Variants in BRCA2 observed in about 807,000 individuals in gnomAD.
BRCA2 encodes the protein BRCA2 DNA repair associated, also known as breast cancer type 2 susceptibility protein.
In BRCA2, 203 loss-of-function variants were observed where a neutral mutation model predicts 276.7. That is an observed-to-expected ratio of 0.73 (90% CI 0.65 to 0.82). The LOEUF (loss-of-function observed/expected upper bound fraction) is 0.82, where lower values mean the gene tolerates loss of function less well. Ranked by LOEUF, BRCA2 falls within the 40% of genes least tolerant of loss-of-function variation. The probability of loss-of-function intolerance (pLI) is 0.00; values close to 1 mark genes in which losing one functional copy is unlikely to be tolerated. For synonymous variants in BRCA2, 1,289 were observed against 1,338.4 expected (o/e 0.96, Z 0.81); for missense variants, 3,920 against 3,915.0 (o/e 1.00, Z -0.03).
Position 32,357,739 on chromosome 13 carries a change from T to C in BRCA2, c.7618-3T>C, listed in dbSNP as rs1555286385. The C allele has an allele frequency of 6.2e-7, 1 of 1,609,982 alleles. No homozygotes were observed. Among genetic ancestry groups the C allele is most frequent in the Non-Finnish European group, 8.5e-7 (1 of 1,176,954 alleles). On this transcript the variant is annotated splice_polypyrimidine_tract_variant and splice_region_variant and intron_variant, in intron 15 of 26. Coordinates refer to ENST00000380152, the MANE Select transcript of BRCA2 (RefSeq NM_000059.4). ...CTTTTTTGTGTGTGTTTATTTTGTG[T>C]AGCTGTATACGTATGGCGTTTCTAA...
Position 32,355,276 on chromosome 13 carries a change from GA to G in BRCA2, c.7425del (p.Glu2476AsnfsTer3), listed in dbSNP as rs886040706. ...AVAVTFTKCE[E>X]EPLDLITSLQ... ...AGCTGTAACTTTCACAAAGTGTGAA[GA>G]AGAACCTTTAGGTATTGTATGACAA... is the stretch of plus-strand genomic sequence containing the variant. On this transcript the variant is annotated frameshift_variant, in exon 14 of 27. Coordinates refer to ENST00000380152, the MANE Select transcript of BRCA2 (RefSeq NM_000059.4). LOFTEE classifies it high-confidence loss of function. 2.5e-6 allele frequency: 4 copies of G among 1,613,708 alleles called. No homozygotes were observed. The highest frequency in any genetic ancestry group is 3.4e-6 in the Non-Finnish European group (4 of 1,179,812).
chr13:32,339,157 A>T lies in BRCA2; in HGVS notation c.4802A>T (p.Asp1601Val), dbSNP rs80358704. Reference sequence around the variant, plus strand: ...GAAATGCAGAATTCTCTCAATAATGATAAAAACCTTGTTTCTATTGAGACT... The same window carrying T: ...GAAATGCAGAATTCTCTCAATAATGTTAAAAACCTTGTTTCTATTGAGACT... The part of the protein sequence containing the change: ...CKEMQNSLNN[D>V]KNLVSIETVV... Residue 1601 changes from aspartate (D) to valine (V), a missense_variant, in exon 11 of 27, where the codon GAT becomes GTT. Physicochemically the swap from Asp to Val is radical, Grantham distance 152 (BLOSUM62 -3). Around this residue, in one of 2 missense-constraint regions of BRCA2, gnomAD observed 3,263 missense variants for 3,156.9 expected, o/e 1.03. Transcript: ENST00000380152. 6.2e-7 allele frequency: 1 copy of T among 1,613,890 alleles called. No homozygotes were observed. Among genetic ancestry groups the T allele is most frequent in the African/African-American group, 1.3e-5 (1 of 74,932 alleles).
At chr13:32,389,155 A>G (rs557442263) in intron 24 of BRCA2, among the ~76,000 whole-genome samples, 3 of 152,278 alleles carry the variant, frequency 2.0e-5, no homozygotes, top group African/African-American at 7.2e-5. Context: ...TACCACTCTA[A>G]GTGAAGTGTG....
At chr13:32,364,405 GTCT>G (rs758856177) in intron 18 of BRCA2, among the ~76,000 whole-genome samples, 50 of 152,204 alleles carry the variant, frequency 3.3e-4, no homozygotes, top group Non-Finnish European at 6.3e-4. Context: ...TTGTACTGCT[GTCT>G]TCTTTCTCTC....
intron 13 of BRCA2, among the ~76,000 whole-genome samples, chr13:32,350,383 T>C (rs556385653): frequency 2.6e-5 from 4 of 152,284 alleles, no homozygotes; most frequent in East Asian, 1.9e-4. Flanking sequence ...AGTAAGTACA[T>C]AGAAAATAAG....
Position 32,357,889 on chromosome 13 carries a change from C to A in BRCA2, c.7765C>A (p.Pro2589Thr), listed in dbSNP as rs753047043. ...IQLADGGWLI[P>T]SNDGKAGKEE... Reference sequence around the variant, plus strand: ...GTTGGCTGATGGTGGATGGCTCATACCCTCCAATGATGGAAAGGCTGGAAA... The same window carrying A: ...GTTGGCTGATGGTGGATGGCTCATAACCTCCAATGATGGAAAGGCTGGAAA... Residue 2589 changes from proline to threonine, a missense_variant, in exon 16 of 27, where the codon CCC becomes ACC. Coordinates refer to ENST00000380152, the MANE Select transcript of BRCA2 (RefSeq NM_000059.4). The A allele has an allele frequency of 1.2e-6, 2 of 1,613,994 alleles. No individual in the cohort carries two copies. Among genetic ancestry groups the A allele is most frequent in the South Asian group, 2.2e-5 (2 of 91,064 alleles).
At position 32,370,391 on chromosome 13, in the gene BRCA2, A is replaced by T. The variant is rs781485611; in HGVS notation, c.8332-11A>T. On this transcript the variant is annotated splice_polypyrimidine_tract_variant and intron_variant, in intron 18 of 26. Coordinates refer to ENST00000380152, the MANE Select transcript of BRCA2 (RefSeq NM_000059.4). The stretch of plus-strand genomic sequence containing the variant: ...TAACTACTAAATCAATATATTTATT[A>T]ATTTGTCCAGATTTCTGCTAACAGT... 1 of 1,604,688 alleles carries T rather than the reference A, an allele frequency of 6.2e-7. No homozygotes were observed. The highest frequency in any genetic ancestry group is 1.1e-5 in the South Asian group (1 of 90,866).
At chr13:32,365,642 T>C (rs1349575813) in intron 18 of BRCA2, among the ~76,000 whole-genome samples, 3 of 151,736 alleles carry the variant, frequency 2.0e-5, no homozygotes, top group Non-Finnish European at 4.4e-5. Flanking sequence ...CCTCCCAAAG[T>C]GTTGGGATTA....
intron 24 of BRCA2, chr13:32,385,787 T>A: frequency 5.6e-6 from 1 of 177,498 alleles, no homozygotes; most frequent in South Asian, 1.4e-4. Context: ...ATGAAACCAG[T>A]GGTAGAAGAA....
chr13:32,381,804 T>C (rs1457109330), intron 24 of BRCA2, among the ~76,000 whole-genome samples: 2 of 152,102 alleles, frequency 1.3e-5, no homozygotes, highest in Non-Finnish European at 2.9e-5. Flanking sequence ...ATTTGGAGGC[T>C]CTTTCAAGCA....
rs146917776 is a variant in BRCA2, at chr13:32,339,734, T to C, written c.5379T>C (p.Asn1793=). The change falls in exon 11 of 27, where the codon AAT becomes AAC. Residue 1793 remains asparagine (N), a synonymous_variant. Transcript: ENST00000380152. The stretch of plus-strand genomic sequence containing the variant: ...CTAGTTTTTCCAAAGTAATATCCAA[T>C]GTAAAAGATGCAAATGCATACCCAC... ...KNTSFSKVIS[N]VKDANAYPQT... 9 of 1,613,708 alleles carry C rather than the reference T, an allele frequency of 5.6e-6. No homozygotes were observed. Among genetic ancestry groups the C allele is most frequent in the Non-Finnish European group, 7.6e-6 (9 of 1,179,838 alleles).
At chr13:32,317,429 A>T (rs866199380) in intron 2 of BRCA2, among the ~76,000 whole-genome samples, 2 of 152,204 alleles carry the variant, frequency 1.3e-5, no homozygotes, top group South Asian at 4.1e-4. Flanking sequence ...AGTATGTGAA[A>T]AAAAATTAAC....
rs80359097 is a variant in BRCA2 at position 32,332,325 on chromosome 13, A to G, written c.847A>G (p.Ile283Val). ...TAAAGTAAATAGCTGCAAAGACCAC[A>G]TTGGAAAGTCAATGCCAAATGTCCT... ...SFKVNSCKDHIGKSMPNVLED... is the reference protein window; with the variant it reads ...SFKVNSCKDHVGKSMPNVLED... The change falls in exon 10 of 27, where the codon ATT becomes GTT. Residue 283 changes from isoleucine to valine, a missense_variant. Ile to Val is a conservative substitution (Grantham distance 29). Transcript: ENST00000380152. 2.5e-6 allele frequency: 4 copies of G among 1,603,980 alleles called. No individual in the cohort carries two copies. Among genetic ancestry groups the G allele is most frequent in the African/African-American group, 1.3e-5 (1 of 74,370 alleles).
At chr13:32,344,751 A>AT (rs901621704) in intron 12 of BRCA2, 98 bp downstream of exon 12, 2 of 854,676 alleles carry the variant, frequency 2.3e-6, no homozygotes, top group Admixed American at 4.3e-5. Flanking sequence ...AAGTGCTGGG[A>AT]TTACAGACAT....
chr13:32,360,006 A>G (rs2072728164), intron 16 of BRCA2, among the ~76,000 whole-genome samples: 1 of 152,262 alleles, frequency 6.6e-6, no homozygotes, highest in African/African-American at 2.4e-5. Flanking sequence ...GAAGATACAT[A>G]CTATAAAGAT....
rs876658631 is a variant in BRCA2 at position 32,356,508 on chromosome 13, C to T, written c.7516C>T (p.Gln2506Ter). The change falls in exon 15 of 27, where the codon CAG becomes TAG. Residue 2506 changes from glutamine to a stop codon, truncating the protein, a stop_gained. Transcript: ENST00000380152. LOFTEE classifies it high-confidence loss of function. ...GAAACAAAGGCAACGCGTCTTTCCA[C>T]AGCCAGGCAGTCTGTATCTTGCAAA... ...KKKQRQRVFP[Q>*]PGSLYLAKTS... 6.2e-7 allele frequency: 1 copy of T among 1,614,244 alleles called. No individual in the cohort carries two copies. Among genetic ancestry groups the T allele is most frequent in the Non-Finnish European group, 8.5e-7 (1 of 1,180,024 alleles).
At chr13:32,383,880 A>G (rs977236784) in intron 24 of BRCA2, among the ~76,000 whole-genome samples, 3 of 152,194 alleles carry the variant, frequency 2.0e-5, no homozygotes, top group Non-Finnish European at 2.9e-5. Flanking sequence ...AGTCTTGGGT[A>G]TGTCCATTGC....
Position 32,338,895 on chromosome 13 carries a change from G to GA in BRCA2, c.4544dup (p.Ile1516AspfsTer13), listed in dbSNP as rs397507725. The stretch of plus-strand genomic sequence containing the variant: ...CTTCCAGGGACAACCCGAACGTGAT[G>GA]AAAAGATCAAAGAACCTACTCTATT... On this transcript the variant is annotated frameshift_variant, in exon 11 of 27. Coordinates refer to ENST00000380152, the MANE Select transcript of BRCA2 (RefSeq NM_000059.4). LOFTEE classifies it high-confidence loss of function. 1.2e-6 allele frequency: 2 copies of GA among 1,613,952 alleles called. No individual in the cohort carries two copies. The highest frequency in any genetic ancestry group is 2.2e-5 in the South Asian group (2 of 91,068).
At chr13:32,329,046 T>C (rs1261553333) in intron 7 of BRCA2, among the ~76,000 whole-genome samples, 1 of 152,214 alleles carries the variant, frequency 6.6e-6, no homozygotes, top group African/African-American at 2.4e-5. Flanking sequence ...TGAAATAATA[T>C]GGATAAAATC....
Sources: gnomAD v4.1 joint callset for allele counts (sites outside exome capture counted in the v4.1 genomes callset) on GRCh38, gnomAD v4.1.1 for gene constraint, gnomAD v4.1.1 regional missense constraint, MANE v1.5 for transcripts, NCBI Gene and HGNC (gene_info 2026-07-23, HGNC 2026-07-21) for gene names.